RAB40C: variants seen among roughly 807,000 people sequenced by gnomAD.
The protein encoded by RAB40C is RAB40C, member RAS oncogene family.
Under a neutral mutation model 28.1 loss-of-function variants are expected in RAB40C, and 8 were observed. The observed-to-expected ratio is 0.28, with a 90% CI of 0.17 to 0.51. The LOEUF is 0.51. Ranked by LOEUF, RAB40C falls within the 20% of genes least tolerant of loss-of-function variation. The pLI is 0.97. For missense variants in RAB40C, 288 were observed against 405.9 expected (o/e 0.71, Z 2.50); for synonymous variants, 201 against 171.7 (o/e 1.17, Z -1.34).
At chr16:613,104 GA>G (rs2036515898) in intron 1 of RAB40C, among the ~76,000 whole-genome samples, 1 of 121,478 alleles carries the variant, frequency 8.2e-6, no homozygotes, top group African/African-American at 3.3e-5. Flanking sequence ...GTAGAATCAA[GA>G]GCAAGGGACA....
At chr16:618,295 A>G in intron 3 of RAB40C, 35 bp downstream of exon 3, 1 of 1,569,898 alleles carries the variant, frequency 6.4e-7, no homozygotes, top group Non-Finnish European at 8.7e-7. Context: ...TTGCTTTTCA[A>G]AGGATGTTTC....
intron 3 of RAB40C, chr16:624,551 G>T (rs1469237845): frequency 1.0e-6 from 1 of 985,444 alleles, no homozygotes; most frequent in East Asian, 1.1e-4. Context: ...TCGAAAGATG[G>T]TTCTAAGAGG....
intron 1 of RAB40C, among the ~76,000 whole-genome samples, chr16:605,306 T>C (rs2036336220): frequency 1.3e-5 from 2 of 152,234 alleles, no homozygotes; most frequent in African/African-American, 4.8e-5. Flanking sequence ...GTGCTCCACA[T>C]CTTTGCCAAC....
chr16:598,561 CAAA>C (rs938034632), intron 1 of RAB40C, among the ~76,000 whole-genome samples: 1 of 54,934 alleles, frequency 1.8e-5, no homozygotes, highest in Non-Finnish European at 3.9e-5. Flanking sequence ...CTCTGTCTCA[CAAA>C]AAAAAAAAAA....
At chr16:624,502 C>G in intron 3 of RAB40C, 2 of 985,470 alleles carry the variant, frequency 2.0e-6, no homozygotes, top group Non-Finnish European at 2.4e-6. Context: ...CAACCTTGTT[C>G]TAAACAGGAC....
At chr16:609,452 C>T (rs2036435589) in intron 1 of RAB40C, among the ~76,000 whole-genome samples, 1 of 152,048 alleles carries the variant, frequency 6.6e-6, no homozygotes, top group African/African-American at 2.4e-5. Context: ...GCAGGATAAC[C>T]GTCAGCCCAA....
chr16:625,273 C>G, intron 3 of RAB40C, 159 bp from the exon 4 acceptor site: 1 of 1,446,880 alleles, frequency 6.9e-7, no homozygotes, highest in Non-Finnish European at 9.2e-7. Flanking sequence ...CAGGGCTGCA[C>G]CAGCTCTGCC....
chr16:612,729 A>AC (rs2036507327), intron 1 of RAB40C, among the ~76,000 whole-genome samples: 1 of 19,276 alleles, frequency 5.2e-5, no homozygotes. Context: ...AATCAAGAGC[A>AC]GGGACAGCCG....
chr16:590,977 T>G (rs1345410532), intron 1 of RAB40C, among the ~76,000 whole-genome samples: 1 of 135,494 alleles, frequency 7.4e-6, no homozygotes, highest in Non-Finnish European at 1.6e-5. Context: ...GATGTCATGG[T>G]CCCGGTAGAA....
intron 1 of RAB40C, among the ~76,000 whole-genome samples, chr16:594,561 C>T (rs545414122): frequency 6.6e-6 from 1 of 152,154 alleles, no homozygotes; most frequent in Non-Finnish European, 1.5e-5. Flanking sequence ...GCTTGAAGTT[C>T]GTGGCTCCGA....
chr16:617,226 C>T lies in RAB40C; in HGVS notation c.161C>T (p.Thr54Ile). 6.2e-7 allele frequency: 1 copy of T among 1,614,032 alleles called. No homozygotes were observed. Among genetic ancestry groups the T allele is most frequent in the Non-Finnish European group, 8.5e-7 (1 of 1,180,018 alleles). ...CTCGCAGGGATCGACTACAAGACCA[C>T]CACCATCCTGCTGGACGGCCGGCGC... is the stretch of plus-strand genomic sequence containing the variant. ...AYSNGIDYKT[T>I]TILLDGRRVK... The change falls in exon 2 of 6, where the codon ACC becomes ATC. Residue 54 changes from threonine to isoleucine, a missense_variant. Coordinates refer to ENST00000248139, the MANE Select transcript of RAB40C (RefSeq NM_021168.5).
chr16:619,480 G>T (rs73485431), intron 3 of RAB40C, among the ~76,000 whole-genome samples: 2,120 of 152,324 alleles, frequency 0.014, 69 homozygotes, highest in African/African-American at 0.049. Flanking sequence ...ATCTGCTGGC[G>T]AATGTGAGGC....
chr16:623,111 C>T (rs1322990866), intron 3 of RAB40C, among the ~76,000 whole-genome samples: 2 of 152,218 alleles, frequency 1.3e-5, no homozygotes, highest in Non-Finnish European at 2.9e-5. Flanking sequence ...CTCAGGGCAG[C>T]AGCCGGGAGG....
At chr16:601,483 G>A (rs1330674324) in intron 1 of RAB40C, among the ~76,000 whole-genome samples, 1 of 152,054 alleles carries the variant, frequency 6.6e-6, no homozygotes, top group Non-Finnish European at 1.5e-5. Flanking sequence ...GCACCCCTGG[G>A]TGCCAGACTC....
chr16:590,927 G>C (rs2035982362), intron 1 of RAB40C, among the ~76,000 whole-genome samples: 1 of 151,404 alleles, frequency 6.6e-6, no homozygotes, highest in South Asian at 2.1e-4. Flanking sequence ...ATAGGTCCGA[G>C]GGAAGGTGTC....
At chr16:624,023 C>T in intron 3 of RAB40C, 1 of 985,458 alleles carries the variant, frequency 1.0e-6, no homozygotes, top group Non-Finnish European at 1.2e-6. Flanking sequence ...AGCATGCACG[C>T]TTTTACATGC....
At chr16:601,785 G>A (rs550118415) in intron 1 of RAB40C, among the ~76,000 whole-genome samples, 46 of 122,666 alleles carry the variant, frequency 3.8e-4, no homozygotes, top group Admixed American at 2.1e-3. Flanking sequence ...ACTAGGCAAC[G>A]TAGCAAGGCC....
chr16:619,242 A>G (rs987434428), intron 3 of RAB40C, among the ~76,000 whole-genome samples: 2 of 145,846 alleles, frequency 1.4e-5, no homozygotes, highest in African/African-American at 5.1e-5. Context: ...TGGCGGGGGC[A>G]CTGGGGCCAT....
chr16:590,504 C>G (rs1007245272), intron 1 of RAB40C, 71 bp downstream of exon 1: 1 of 1,405,396 alleles, frequency 7.1e-7, no homozygotes, highest in Non-Finnish European at 9.3e-7. Context: ...GGAGCTCGCC[C>G]TCGGCCCGGC....
Sources: gnomAD v4.1 joint callset for allele counts (sites outside exome capture counted in the v4.1 genomes callset) on GRCh38, gnomAD v4.1.1 for gene constraint, MANE v1.5 for transcripts, NCBI Gene and HGNC (gene_info 2026-07-23, HGNC 2026-07-21) for gene names.